CHRM2: variants seen among roughly 807,000 people sequenced by gnomAD.
CHRM2 encodes the protein cholinergic receptor muscarinic 2.
In CHRM2, 8 loss-of-function variants were observed where a neutral mutation model predicts 25.0. The ratio of observed to expected loss-of-function variants is 0.32; its 90% CI spans 0.19 to 0.58. The LOEUF (loss-of-function observed/expected upper bound fraction) is 0.58. Ranked by LOEUF, CHRM2 falls within the 20% of genes least tolerant of loss-of-function variation. The pLI is 0.88. For synonymous variants in CHRM2, 202 were observed against 205.7 expected (o/e 0.98, Z 0.15); for missense variants, 440 against 567.1 (o/e 0.78, Z 2.28).
intron 2 of CHRM2, among the ~76,000 whole-genome samples, chr7:136,918,537 C>A (rs545328288): frequency 9.9e-5 from 15 of 152,020 alleles, no homozygotes; most frequent in Admixed American, 2.0e-4. Context: ...GGCTCATAAC[C>A]ATTTGCTGAA....
At chr7:136,928,411 A>G (rs926472424) in intron 2 of CHRM2, among the ~76,000 whole-genome samples, 2 of 152,202 alleles carry the variant, frequency 1.3e-5, no homozygotes, top group African/African-American at 4.8e-5. Context: ...AATAATTTGT[A>G]GTGATTATTT....
intron 2 of CHRM2, among the ~76,000 whole-genome samples, chr7:136,878,020 T>C (rs958648799): frequency 7.9e-5 from 12 of 152,102 alleles, no homozygotes; most frequent in African/African-American, 2.6e-4. Context: ...AGGAAAAAAA[T>C]ACATTTCACA....
chr7:136,874,228 T>C (rs1345101063), intron 2 of CHRM2, among the ~76,000 whole-genome samples: 1 of 152,242 alleles, frequency 6.6e-6, no homozygotes, highest in Non-Finnish European at 1.5e-5. Flanking sequence ...TAGTATTTAT[T>C]ATCCACATGT....
At chr7:136,962,039 A>AACG (rs1801117919) in intron 2 of CHRM2, among the ~76,000 whole-genome samples, 1 of 152,020 alleles carries the variant, frequency 6.6e-6, no homozygotes, top group Non-Finnish European at 1.5e-5. Flanking sequence ...AGGGAAAAGG[A>AACG]ACGACTGGAG....
At chr7:137,007,707 C>T (rs1191119194) in intron 3 of CHRM2, among the ~76,000 whole-genome samples, 15 of 152,064 alleles carry the variant, frequency 9.9e-5, no homozygotes, top group African/African-American at 3.4e-4. Flanking sequence ...GGCCAGGACT[C>T]GCTTCCATCT....
chr7:136,907,719 T>G (rs1797629600), intron 2 of CHRM2: 1 of 151,852 alleles, frequency 6.6e-6, no homozygotes, highest in Admixed American at 6.6e-5. Context: ...AAAAGAAGTT[T>G]CAACAAAAAA....
At chr7:136,915,758 G>A (rs902667284) in intron 2 of CHRM2, among the ~76,000 whole-genome samples, 11 of 151,550 alleles carry the variant, frequency 7.3e-5, no homozygotes, top group African/African-American at 2.4e-4. Context: ...CTGCCAATGC[G>A]CCAACCTCAG....
At chr7:136,913,179 T>C (rs1465853151) in intron 2 of CHRM2, among the ~76,000 whole-genome samples, 1 of 151,938 alleles carries the variant, frequency 6.6e-6, no homozygotes, top group East Asian at 1.9e-4. Context: ...GCTTTCATAA[T>C]ATAAAACAGA....
chr7:137,000,556 G>A (rs1434490840), intron 3 of CHRM2, among the ~76,000 whole-genome samples: 1 of 138,856 alleles, frequency 7.2e-6, no homozygotes, highest in Non-Finnish European at 1.6e-5. Flanking sequence ...AAGAAGGAAG[G>A]AAGGAAGGAA....
intron 2 of CHRM2, among the ~76,000 whole-genome samples, chr7:136,960,691 A>C (rs189992570): frequency 6.6e-6 from 1 of 152,368 alleles, no homozygotes; most frequent in East Asian, 1.9e-4. Context: ...GGTTAATAAA[A>C]TATTCACACT....
At chr7:136,954,490 T>C (rs1563087785) in intron 2 of CHRM2, among the ~76,000 whole-genome samples, 1 of 152,220 alleles carries the variant, frequency 6.6e-6, no homozygotes, top group Non-Finnish European at 1.5e-5. Context: ...TCTTCTAAAC[T>C]TAATAACATA....
At chr7:136,904,411 A>G (rs1797419067) in intron 2 of CHRM2, among the ~76,000 whole-genome samples, 1 of 151,946 alleles carries the variant, frequency 6.6e-6, no homozygotes, top group Non-Finnish European at 1.5e-5. Context: ...TCTATTTAAG[A>G]AAAATGCTTG....
chr7:136,870,967 T>G (rs1212676743), intron 2 of CHRM2: 1 of 152,570 alleles, frequency 6.6e-6, no homozygotes, highest in African/African-American at 2.4e-5. Flanking sequence ...TGGCAGTGGG[T>G]ATGCGGCAGC....
intron 3 of CHRM2, among the ~76,000 whole-genome samples, chr7:137,000,103 A>G (rs1361073659): frequency 6.6e-6 from 1 of 151,644 alleles, no homozygotes; most frequent in Non-Finnish European, 1.5e-5. Flanking sequence ...CTCCCAACCT[A>G]GCCAGAGTCA....
At chr7:136,894,897 C>G (rs190423436) in intron 2 of CHRM2, among the ~76,000 whole-genome samples, 72 of 152,250 alleles carry the variant, frequency 4.7e-4, no homozygotes, top group African/African-American at 1.7e-3. Flanking sequence ...AATTAACAAA[C>G]CGAGGCTATC....
chr7:136,942,834 T>G (rs929210852), intron 2 of CHRM2, among the ~76,000 whole-genome samples: 2 of 152,196 alleles, frequency 1.3e-5, no homozygotes, highest in African/African-American at 4.8e-5. Context: ...AGAGAATTTT[T>G]TTTTAATTTA....
intron 2 of CHRM2, among the ~76,000 whole-genome samples, chr7:136,910,800 A>AGTGTGTGTGTGTGTGTGT (rs71533718): frequency 2.3e-4 from 34 of 145,762 alleles, no homozygotes; most frequent in African/African-American, 7.8e-4. Context: ...TTTAAAATTA[A>AGTGTGTGTGTGTGTGTGT]GTGTGTGTGT....
intron 2 of CHRM2, among the ~76,000 whole-genome samples, chr7:136,891,150 G>T (rs1796675096): frequency 6.6e-6 from 1 of 152,176 alleles, no homozygotes; most frequent in African/African-American, 2.4e-5. Flanking sequence ...GCATTCATAT[G>T]ATATATTTGA....
At chr7:136,908,625 C>T (rs1460402456) in intron 2 of CHRM2, among the ~76,000 whole-genome samples, 2 of 151,892 alleles carry the variant, frequency 1.3e-5, no homozygotes, top group African/African-American at 4.8e-5. Flanking sequence ...CTTCTCTTCC[C>T]TCTGACAGCC....
Sources: allele counts gnomAD v4.1 joint callset (sites outside exome capture counted in the v4.1 genomes callset), GRCh38; gene constraint gnomAD v4.1.1; transcripts MANE v1.5; gene names NCBI Gene and HGNC (gene_info 2026-07-23, HGNC 2026-07-21).